Variants in NCAPG2 observed in about 807,000 individuals in gnomAD.
NCAPG2 encodes the protein non-SMC condensin II complex subunit G2, also known as condensin-2 complex subunit G2.
A neutral mutation model predicts 141.1 loss-of-function variants in NCAPG2; 53 were observed. The observed-to-expected ratio is 0.38, with a 90% confidence interval of 0.30 to 0.47. The LOEUF is 0.47. NCAPG2 is among the 20% of genes least tolerant of loss of function. The probability of loss-of-function intolerance (pLI) is 0.99; values close to 1 mark genes in which losing one functional copy is unlikely to be tolerated. For missense variants in NCAPG2, 1,087 were observed against 1,389.0 expected (o/e 0.78, Z 3.46); for synonymous variants, 499 against 490.7 (o/e 1.02, Z -0.22).
In NCAPG2 at chr7:158,652,382, T is replaced by C. The variant is rs754815915; in HGVS notation, c.2845A>G (p.Met949Val). The change falls in exon 23 of 28, where the codon ATG becomes GTG. Residue 949 changes from methionine (M) to valine (V), a missense_variant. By Grantham distance (21) the Met-to-Val change is conservative (BLOSUM62 1). Transcript: ENST00000356309. ...ACTTTCTGGACTGTGTCCAACAGCA[T>C]TGCAACTTCTTCATCTGAATCTGTT... ...QKTDSDEEVA[M>V]LLDTVQKVFQ... 26 of 1,613,768 alleles carry C rather than the reference T, an allele frequency of 1.6e-5. No individual in the cohort carries two copies. Among genetic ancestry groups the C allele is most frequent in the Non-Finnish European group, 2.1e-5 (25 of 1,179,900 alleles).
At position 158,679,956 on chromosome 7, in the gene NCAPG2, G is replaced by C. The variant is rs948406275; in HGVS notation, c.1146+4C>G. The stretch of plus-strand genomic sequence containing the variant: ...TAAGAAGCTTGACCACCTGAAGTAC[G>C]TACATAGAGCTCTTCAAACTGTTTC... On this transcript the variant is annotated splice_donor_region_variant and intron_variant, in intron 11 of 27. Transcript: ENST00000356309. 3.1e-6 allele frequency: 5 copies of C among 1,613,386 alleles called. No individual in the cohort carries two copies. In the South Asian group the frequency reaches 5.5e-5, roughly 18 times the overall value.
intron 24 of NCAPG2, among the ~76,000 whole-genome samples, chr7:158,646,856 T>C (rs1831057538): frequency 6.6e-6 from 1 of 152,020 alleles, no homozygotes; most frequent in Non-Finnish European, 1.5e-5. Context: ...GACAAGACCC[T>C]GCCTCTCTAA....
rs1269747227 is a variant in NCAPG2 at position 158,645,542 on chromosome 7, T to C, written c.3257A>G (p.His1086Arg). Residue 1086 changes from histidine (H) to arginine (R), a missense_variant, in exon 26 of 28, where the codon CAT becomes CGT. His to Arg is a conservative substitution (Grantham distance 29, BLOSUM62 0). Transcript: ENST00000356309. ...EGIVCLTAAV[H>R]IILVINAGKH... ...ACCTGCATTAATAACCAGGATAATA[T>C]GCACAGCAGCCGTGAGGCACACAAT... The C allele has an allele frequency of 1.2e-6, 2 of 1,614,182 alleles. No homozygotes were observed. Among genetic ancestry groups the C allele is most frequent in the East Asian group, 4.5e-5 (2 of 44,886 alleles).
chr7:158,699,097 T>C (rs1318207106), intron 2 of NCAPG2, among the ~76,000 whole-genome samples: 1 of 152,180 alleles, frequency 6.6e-6, no homozygotes, highest in African/African-American at 2.4e-5. Context: ...ACCTGCTTTA[T>C]TATTTCTCTA....
At chr7:158,680,458 C>T (rs560845878) in intron 10 of NCAPG2, among the ~76,000 whole-genome samples, 7 of 152,284 alleles carry the variant, frequency 4.6e-5, no homozygotes, top group South Asian at 4.1e-4. Flanking sequence ...GTTTGCTTTA[C>T]GGCATGCCTC....
At chr7:158,692,210 G>A (rs564540151) in intron 4 of NCAPG2, among the ~76,000 whole-genome samples, 18 of 152,286 alleles carry the variant, frequency 1.2e-4, no homozygotes, top group Non-Finnish European at 2.2e-4. Flanking sequence ...AGGAGGCTGA[G>A]GTGAGAGGAT....
At position 158,664,226 on chromosome 7, in the gene NCAPG2, C is replaced by T; in HGVS notation, c.1773G>A (p.Glu591=). ...CIQRAVREPP[E]DEEEEDGREK... ...CCCTTCCGTCCTCTTCCTCCTCGTCCTCTGGAGGCTCTCTCACTGCCCTCT... is the reference window on the plus strand; with the variant it reads ...CCCTTCCGTCCTCTTCCTCCTCGTCTTCTGGAGGCTCTCTCACTGCCCTCT... The change falls in exon 15 of 28, where the codon GAG becomes GAA. Residue 591 remains glutamate, a synonymous_variant. Coordinates refer to ENST00000356309, the MANE Select transcript of NCAPG2 (RefSeq NM_017760.7). The T allele has an allele frequency of 6.2e-7, 1 of 1,613,788 alleles. No homozygotes were observed. The highest frequency in any genetic ancestry group is 8.5e-7 in the Non-Finnish European group (1 of 1,179,632).
At chr7:158,651,954 G>C (rs553740283) in intron 23 of NCAPG2, among the ~76,000 whole-genome samples, 3 of 152,236 alleles carry the variant, frequency 2.0e-5, no homozygotes, top group Admixed American at 6.5e-5. Flanking sequence ...TCAGAACCCA[G>C]AGCAATCAGT....
At chr7:158,678,285 T>C (rs986435404) in intron 11 of NCAPG2, among the ~76,000 whole-genome samples, 6 of 152,102 alleles carry the variant, frequency 3.9e-5, no homozygotes, top group Non-Finnish European at 2.9e-5. Flanking sequence ...CATCTAAAGG[T>C]TGAGTTAAAG....
At chr7:158,692,754 T>A in intron 4 of NCAPG2, 88 bp downstream of exon 4, 1 of 931,530 alleles carries the variant, frequency 1.1e-6, no homozygotes, top group South Asian at 1.5e-5. Context: ...AAAAAATAAA[T>A]AAATGAATGA....
rs138556919 is a variant in NCAPG2 at position 158,691,046 on chromosome 7, A to C, written c.383-324T>G. Among the ~76,000 whole-genome samples the C allele has an allele frequency of 3.5e-3, 531 of 152,316 alleles. 6 individuals carry two copies. The South Asian group carries it at 0.036, about 10-fold the overall frequency. ...AGGCTAACCAAACCTCAGTGTAACA[A>C]CACCAATGGTATCTCTGTTAACACC... On this transcript the variant is annotated intron_variant, in intron 4 of 27. Coordinates refer to ENST00000356309, the MANE Select transcript of NCAPG2 (RefSeq NM_017760.7).
chr7:158,654,230 T>TCA (rs1256789857), intron 22 of NCAPG2, among the ~76,000 whole-genome samples: 1 of 152,060 alleles, frequency 6.6e-6, no homozygotes, highest in Non-Finnish European at 1.5e-5. Context: ...AATGTCTGAC[T>TCA]CACGCCCCCA....
chr7:158,673,231 AG>A (rs760396182), intron 12 of NCAPG2, among the ~76,000 whole-genome samples: 2 of 152,198 alleles, frequency 1.3e-5, no homozygotes, highest in Non-Finnish European at 2.9e-5. Flanking sequence ...AAGAGGAGCA[AG>A]GGGGAGAGAG....
Position 158,687,402 on chromosome 7 carries a change from T to C in NCAPG2, c.713A>G (p.Asn238Ser), listed in dbSNP as rs776024497. 6.4e-5 allele frequency: 103 copies of C among 1,611,184 alleles called. No individual in the cohort carries two copies. The highest frequency in any genetic ancestry group is 8.1e-5 in the Non-Finnish European group (95 of 1,178,692). Reference protein sequence around the residue: ...FLSCLFNWNINFIKMIHGTIK... With the variant: ...FLSCLFNWNISFIKMIHGTIK... The stretch of plus-strand genomic sequence containing the variant: ...GGTCCCGTGGATCATTTTGATGAAG[T>C]TGATATTCCAGTTGAAGAGACAACT... Residue 238 changes from asparagine to serine, a missense_variant, in exon 7 of 28, where the codon AAC (asparagine) becomes AGC (serine). Physicochemically the swap from Asn to Ser is conservative, Grantham distance 46. Transcript: ENST00000356309.
rs1268948760 is a variant in NCAPG2, at chr7:158,672,388, G to A, written c.1327-722C>T. Among the ~76,000 whole-genome samples, 13 of 124,698 alleles carry A rather than the reference G, an allele frequency of 1.0e-4. No individual in the cohort carries two copies. In the South Asian group the frequency reaches 2.9e-3, roughly 28 times the overall value. 81.8% of individuals were successfully genotyped at this position (124,698 alleles called of 152,430 possible). Reference sequence around the variant, plus strand: ...GACGGAGTCTCACTCCGTTGCCCAGGCTGGAGTGCAGGGGCACAATCTTGG... The same window carrying A: ...GACGGAGTCTCACTCCGTTGCCCAGACTGGAGTGCAGGGGCACAATCTTGG... On this transcript the variant is annotated intron_variant, in intron 12 of 27. Transcript: ENST00000356309.
At chr7:158,656,164 A>G in intron 19 of NCAPG2, 96 bp downstream of exon 19, 2 of 1,424,160 alleles carry the variant, frequency 1.4e-6, no homozygotes, top group Non-Finnish European at 9.6e-7. Flanking sequence ...TCCAGCCAGA[A>G]CACTTGTATA....
chr7:158,699,957 T>A (rs1387757485), intron 2 of NCAPG2, among the ~76,000 whole-genome samples: 1 of 149,752 alleles, frequency 6.7e-6, no homozygotes, highest in East Asian at 1.9e-4. Context: ...TTATTTATTT[T>A]AACCAATTCT....
intron 2 of NCAPG2, chr7:158,696,773 C>G (rs1231521676): frequency 1.3e-5 from 2 of 152,282 alleles, no homozygotes; most frequent in African/African-American, 4.8e-5. Flanking sequence ...ATGTGCCCTG[C>G]CTCAGGGGCT....
Position 158,693,496 on chromosome 7 carries a change from T to C in NCAPG2, c.80A>G (p.Lys27Arg). 1 of 1,604,374 alleles carries C rather than the reference T, an allele frequency of 6.2e-7. No individual in the cohort carries two copies. The highest frequency in any genetic ancestry group is 8.5e-7 in the Non-Finnish European group (1 of 1,174,846). Residue 27 changes from lysine to arginine, a missense_variant and splice_region_variant, in exon 3 of 28, where the codon AAA becomes AGA. Lys to Arg is a conservative substitution (Grantham distance 26, BLOSUM62 2). Coordinates refer to ENST00000356309, the MANE Select transcript of NCAPG2 (RefSeq NM_017760.7). ...TAGGCTGAAAGGATCAGAGGCCTCT[T>C]TCTGTAACATAAATAGCAAGTGTCA... ...GEFLQFVQLD[K>R]EASDPFSLNE...
Sources: gnomAD v4.1 joint callset for allele counts (sites outside exome capture counted in the v4.1 genomes callset) on GRCh38, gnomAD v4.1.1 for gene constraint, MANE v1.5 for transcripts, NCBI Gene and HGNC (gene_info 2026-07-23, HGNC 2026-07-21) for gene names.